The following SIX5 variants were observed in gnomAD, a reference collection of about 807,000 sequenced individuals.
SIX5 encodes homeobox protein SIX5.
In SIX5, 21 loss-of-function variants were observed where a neutral mutation model predicts 37.1. The observed-to-expected ratio is 0.57, with a 90% CI of 0.40 to 0.81. The LOEUF (loss-of-function observed/expected upper bound fraction) is 0.81, where lower values mean the gene tolerates loss of function less well. SIX5 is among the 40% of genes least tolerant of loss of function. SIX5 has a pLI of 0.00. For missense variants in SIX5, 1,137 were observed against 1,025.1 expected (o/e 1.11, Z -1.49); for synonymous variants, 626 against 505.9 (o/e 1.24, Z -3.19).
rs758153599 is a variant in SIX5, at chr19:45,765,737, C to T, written c.1984G>A (p.Val662Met). 8.7e-6 allele frequency: 14 copies of T among 1,611,954 alleles called. No homozygotes were observed. Among genetic ancestry groups the T allele is most frequent in the Admixed American group, 3.3e-5 (2 of 60,006 alleles). Reference protein sequence around the residue: ...PEGLMLSPAAVPVWSAGLELS... With the variant: ...PEGLMLSPAAMPVWSAGLELS... The stretch of plus-strand genomic sequence containing the variant: ...TCCAGCCCTGCTGACCAGACAGGCA[C>T]GGCCGCGGGTGACAACATCAGCCCC... The change falls in exon 3 of 3, where the codon GTG becomes ATG. Residue 662 changes from valine (V) to methionine (M), a missense_variant. By Grantham distance (21) the Val-to-Met change is conservative (BLOSUM62 1). Coordinates refer to ENST00000317578, the MANE Select transcript of SIX5 (RefSeq NM_175875.5).
chr19:45,766,726 A>C lies in SIX5; in HGVS notation c.1233T>G (p.Ala411=). 1 of 1,569,696 alleles carries C rather than the reference A, an allele frequency of 6.4e-7. No homozygotes were observed. The highest frequency in any genetic ancestry group is 1.4e-5 in the African/African-American group (1 of 73,694). The part of the protein sequence containing the change: ...EAPETKGAQV[A]APGPALGEEV... ...CCTCTCCAAGGGCTGGTCCCGGAGCAGCCACCTGGGCCCCTTTGGTCTCAG... is the reference window on the plus strand; with the variant it reads ...CCTCTCCAAGGGCTGGTCCCGGAGCCGCCACCTGGGCCCCTTTGGTCTCAG... Residue 411 remains alanine (A), a synonymous_variant, in exon 2 of 3, where the codon GCT becomes GCG. Coordinates refer to ENST00000317578, the MANE Select transcript of SIX5 (RefSeq NM_175875.5).
intron 1 of SIX5, chr19:45,767,782 C>A: frequency 1.8e-6 from 1 of 566,454 alleles, no homozygotes; most frequent in Non-Finnish European, 3.1e-6. Context: ...AGTGTGATTC[C>A]CCAACACCGA....
Position 45,768,922 on chromosome 19 carries a change from C to T in SIX5, c.-78G>A. The T allele has an allele frequency of 1.5e-6, 2 of 1,302,022 alleles. No homozygotes were observed. The highest frequency in any genetic ancestry group is 2.1e-6 in the Non-Finnish European group (2 of 955,578). The allele number at this position is 1,302,022 out of a possible 1,614,324, so 80.7% of individuals were successfully genotyped here. On this transcript the variant is annotated 5_prime_UTR_variant, in exon 1 of 3. Coordinates refer to ENST00000317578, the MANE Select transcript of SIX5 (RefSeq NM_175875.5). ...CCCCAGCCTCCTCCCCCACCTGTCC[C>T]CCCTTTTCGCCCCCACTCCCCGCTC...
rs1969044381 is a variant in SIX5, at chr19:45,765,238, CCT to C, written c.*261_*262del. 3.5e-6 allele frequency: 2 copies of C among 574,568 alleles called. No homozygotes were observed. The allele number at this position is 574,568 out of a possible 1,614,324, so 35.6% of individuals were successfully genotyped here. A position where few individuals can be genotyped will look rare whatever the true frequency, so the allele number is the denominator to read the frequency against. On this transcript the variant is annotated 3_prime_UTR_variant, in exon 3 of 3. Coordinates refer to ENST00000317578, the MANE Select transcript of SIX5 (RefSeq NM_175875.5). Reference sequence around the variant, plus strand: ...GGGGGCAGGGCCCCTGAGTCAGGACCCTGAGTCCCCCACGTATATGGCAGGGC... The same window carrying C: ...GGGGGCAGGGCCCCTGAGTCAGGACCGAGTCCCCCACGTATATGGCAGGGC...
chr19:45,768,292 T>C lies in SIX5; in HGVS notation c.553A>G (p.Lys185Glu). 6.2e-7 allele frequency: 1 copy of C among 1,611,920 alleles called. No individual in the cohort carries two copies. The highest frequency in any genetic ancestry group is 8.5e-7 in the Non-Finnish European group (1 of 1,179,358). The change falls in exon 1 of 3, where the codon AAG (lysine) becomes GAG (glutamate). Residue 185 changes from lysine (K) to glutamate (E), a missense_variant. By Grantham distance (56) the Lys-to-Glu change is moderately conservative. Transcript: ENST00000317578. Reference sequence around the variant, plus strand: ...GGGAACTTCTTGCGCAGTCGATACTTGTCCACTGCGCCAAGCGCGCGGCCG... The same window carrying C: ...GGGAACTTCTTGCGCAGTCGATACTCGTCCACTGCGCCAAGCGCGCGGCCG... ...ARGRALGAVD[K>E]YRLRKKFPLP... is the part of the protein sequence containing the mutation.
chr19:45,768,230 G>A lies in SIX5; in HGVS notation c.615C>T (p.Val205=), dbSNP rs1333223085. 1.2e-6 allele frequency: 2 copies of A among 1,613,230 alleles called. No individual in the cohort carries two copies. The highest frequency in any genetic ancestry group is 1.7e-6 in the Non-Finnish European group (2 of 1,179,740). ...PKTIWDGEET[V]YCFKERSRAA... is the part of the protein sequence containing the mutation. Reference sequence around the variant, plus strand: ...CGCGGGAGCGCTCCTTGAAGCAGTAGACTGTCTCCTCGCCGTCCCAGATGG... The same window carrying A: ...CGCGGGAGCGCTCCTTGAAGCAGTAAACTGTCTCCTCGCCGTCCCAGATGG... Residue 205 remains valine (V), a synonymous_variant, in exon 1 of 3, where the codon GTC becomes GTT. Coordinates refer to ENST00000317578, the MANE Select transcript of SIX5 (RefSeq NM_175875.5).
At chr19:45,767,850 G>A in intron 1 of SIX5, 192 bp downstream of exon 1, 1 of 600,472 alleles carries the variant, frequency 1.7e-6, no homozygotes, top group South Asian at 2.1e-5. Context: ...CGTGCGGGGA[G>A]AGGGCCCGGG....
rs761405838 is a variant in SIX5 at position 45,765,696 on chromosome 19, T to C, written c.2025A>G (p.Thr675=). Residue 675 remains threonine, a synonymous_variant, in exon 3 of 3, where the codon ACA becomes ACG. Coordinates refer to ENST00000317578, the MANE Select transcript of SIX5 (RefSeq NM_175875.5). ...WSAGLELSAG[T]EGLLEAEKGL... Reference sequence around the variant, plus strand: ...CCTTTTCCGCTTCCAGCAGCCCCTCTGTTCCTGCGCTTAGTTCCAGCCCTG... The same window carrying C: ...CCTTTTCCGCTTCCAGCAGCCCCTCCGTTCCTGCGCTTAGTTCCAGCCCTG... 1.9e-6 allele frequency: 3 copies of C among 1,613,126 alleles called. No homozygotes were observed. Among genetic ancestry groups the C allele is most frequent in the Non-Finnish European group, 8.5e-7 (1 of 1,179,978 alleles).
Position 45,766,605 on chromosome 19 carries a change from G to T in SIX5, c.1354C>A (p.Gln452Lys). ...GGGGGTGGGGAGAGCGGTACCACTT[G>T]TGGGGCAGCCACAGCAGGCACTGGC... is the stretch of plus-strand genomic sequence containing the variant. ...PGPVPAVAAP[Q>K]VVPLSPPPGY... The change falls in exon 2 of 3, where the codon CAA (glutamine) becomes AAA (lysine). Residue 452 changes from glutamine (Q) to lysine (K), a missense_variant. Coordinates refer to ENST00000317578, the MANE Select transcript of SIX5 (RefSeq NM_175875.5). The T allele has an allele frequency of 6.8e-7, 1 of 1,469,976 alleles. No homozygotes were observed. The allele number at this position is 1,469,976 out of a possible 1,614,324, so 91.1% of individuals were successfully genotyped here.
At position 45,765,912 on chromosome 19, in the gene SIX5, G is replaced by A. The variant is rs1969061617; in HGVS notation, c.1809C>T (p.Ala603=). The change falls in exon 3 of 3, where the codon GCC becomes GCT. Residue 603 remains alanine (A), a synonymous_variant. Coordinates refer to ENST00000317578, the MANE Select transcript of SIX5 (RefSeq NM_175875.5). The part of the protein sequence containing the change: ...ISVPEGGLPV[A]PSPALPEAHA... ...GAGCCTCTGGGAGAGCAGGGCTGGG[G>A]GCCACCGGGAGGCCTCCCTCAGGCA... 1 of 1,589,118 alleles carries A rather than the reference G, an allele frequency of 6.3e-7. No homozygotes were observed. Among genetic ancestry groups the A allele is most frequent in the African/African-American group, 1.3e-5 (1 of 74,576 alleles).
In SIX5 at chr19:45,768,394, G is replaced by T; in HGVS notation, c.451C>A (p.Pro151Thr). The change falls in exon 1 of 3, where the codon CCC becomes ACC. Residue 151 changes from proline to threonine, a missense_variant. This residue lies in a region of SIX5 where 331 missense variants were observed against 360.9 expected (regional missense o/e 0.92). Coordinates refer to ENST00000317578, the MANE Select transcript of SIX5 (RefSeq NM_175875.5). Reference sequence around the variant, plus strand: ...AAGGCGTGGTGGGCGGCGGGGAAGGGGCGGCTCTCGAGTAGCCGGTAGAGC... The same window carrying T: ...AAGGCGTGGTGGGCGGCGGGGAAGGTGCGGCTCTCGAGTAGCCGGTAGAGC... ...AELYRLLESR[P>T]FPAAHHAFLQ... 1.3e-6 allele frequency: 2 copies of T among 1,572,438 alleles called. No homozygotes were observed. Among genetic ancestry groups the T allele is most frequent in the Non-Finnish European group, 1.7e-6 (2 of 1,165,590 alleles).
In SIX5 at chr19:45,766,341, T is replaced by G; in HGVS notation, c.1609+9A>C. 1 of 1,573,800 alleles carries G rather than the reference T, an allele frequency of 6.4e-7. No homozygotes were observed. Among genetic ancestry groups the G allele is most frequent in the Non-Finnish European group, 8.6e-7 (1 of 1,160,970 alleles). Reference sequence around the variant, plus strand: ...CTCACCTAGGCCTGAGGGAGGGAGATGGGGGTACCTGGGGCAGTGGCCGAA... The same window carrying G: ...CTCACCTAGGCCTGAGGGAGGGAGAGGGGGGTACCTGGGGCAGTGGCCGAA... On this transcript the variant is annotated intron_variant, in intron 2 of 2. Transcript: ENST00000317578.
chr19:45,767,856 CCGGG>C, intron 1 of SIX5, 182 bp downstream of exon 1: 1 of 610,022 alleles, frequency 1.6e-6, no homozygotes, highest in South Asian at 2.0e-5. Context: ...GGGAGAGGGC[CCGGG>C]CGGGTGCCTG....
chr19:45,767,755 C>T (rs1291518245), intron 1 of SIX5: 1 of 515,328 alleles, frequency 1.9e-6, no homozygotes, highest in African/African-American at 2.0e-5. Flanking sequence ...TTCCTCAGTC[C>T]CTCTAGTGCC....
chr19:45,767,951 G>T, intron 1 of SIX5, 91 bp downstream of exon 1: 1 of 1,329,902 alleles, frequency 7.5e-7, no homozygotes, highest in Non-Finnish European at 1.0e-6. Flanking sequence ...GGACCTCGGC[G>T]CGCCGGCCCC....
intron 1 of SIX5, among the ~76,000 whole-genome samples, 184 bp from the exon 2 acceptor site, chr19:45,767,339 C>T (rs1474716957): frequency 6.6e-6 from 1 of 152,218 alleles, no homozygotes; most frequent in African/African-American, 2.4e-5. Context: ...GACACCACTG[C>T]AGAGAAGCGC....
intron 1 of SIX5, 57 bp downstream of exon 1, chr19:45,767,985 G>A: frequency 1.9e-6 from 3 of 1,543,740 alleles, no homozygotes; most frequent in East Asian, 2.3e-5. Context: ...GGGGAAGAGG[G>A]CTGGTGGACG....
Position 45,765,281 on chromosome 19 carries a change from C to G in SIX5, c.*220G>C, listed in dbSNP as rs1189650979. ...ATGGCAGGGCACAGCATGGGGAGGG[C>G]TGTAACAGAGAGGCCTCCCATCCAA... On this transcript the variant is annotated 3_prime_UTR_variant, in exon 3 of 3. Coordinates refer to ENST00000317578, the MANE Select transcript of SIX5 (RefSeq NM_175875.5). The G allele has an allele frequency of 7.5e-6, 5 of 669,642 alleles. No homozygotes were observed. Among genetic ancestry groups the G allele is most frequent in the Non-Finnish European group, 1.3e-5 (5 of 376,982 alleles). The allele number at this position is 669,642 out of a possible 1,614,324, so 41.5% of individuals were successfully genotyped here.
chr19:45,765,961 A>G lies in SIX5; in HGVS notation c.1760T>C (p.Leu587Pro), dbSNP rs1969062887. The G allele has an allele frequency of 1.9e-6, 3 of 1,593,332 alleles. No homozygotes were observed. Among genetic ancestry groups the G allele is most frequent in the African/African-American group, 1.3e-5 (1 of 74,638 alleles). Residue 587 changes from leucine (L) to proline (P), a missense_variant, in exon 3 of 3, where the codon CTG (leucine) becomes CCG (proline). Physicochemically the swap from Leu to Pro is moderately conservative, Grantham distance 98 (BLOSUM62 -3). Coordinates refer to ENST00000317578, the MANE Select transcript of SIX5 (RefSeq NM_175875.5). ...LPPAPGLALPLKPETAISVPE... is the reference protein window; with the variant it reads ...LPPAPGLALPPKPETAISVPE... ...CACGGAGATGGCCGTCTCTGGCTTCAGTGGCAGGGCCAGGCCGGGGGCTGG... is the reference window on the plus strand; with the variant it reads ...CACGGAGATGGCCGTCTCTGGCTTCGGTGGCAGGGCCAGGCCGGGGGCTGG...
Sources: gnomAD v4.1 joint callset for allele counts (sites outside exome capture counted in the v4.1 genomes callset) on GRCh38, gnomAD v4.1.1 for gene constraint, gnomAD v4.1.1 regional missense constraint, MANE v1.5 for transcripts, NCBI Gene and HGNC (gene_info 2026-07-23, HGNC 2026-07-21) for gene names.